Variants in NELL1 observed in about 807,000 individuals in gnomAD.
NELL1 encodes the protein protein kinase C-binding protein NELL1.
A neutral mutation model predicts 107.4 loss-of-function variants in NELL1; 76 were observed. That is an observed-to-expected ratio of 0.71 (90% CI 0.59 to 0.86). The LOEUF is 0.86. NELL1 is among the 40% of genes least tolerant of loss of function. The probability of loss-of-function intolerance (pLI) is 0.00; values close to 1 mark genes in which losing one functional copy is unlikely to be tolerated. For missense variants in NELL1, 1,024 were observed against 1,005.5 expected, an observed-to-expected ratio of 1.02 and a Z score of -0.25; for synonymous variants, 353 against 341.2, an observed-to-expected ratio of 1.03 and a Z score of -0.38.
At chr11:20,679,151 G>A (rs146713894) in intron 2 of NELL1, among the ~76,000 whole-genome samples, 3 of 152,088 alleles carry the variant, frequency 2.0e-5, no homozygotes, top group Non-Finnish European at 2.9e-5. Context: ...ATGATTTATG[G>A]TCAGTGTCCA....
intron 16 of NELL1, among the ~76,000 whole-genome samples, chr11:21,540,566 T>A (rs1856266883): frequency 6.6e-6 from 1 of 152,072 alleles, no homozygotes; most frequent in Non-Finnish European, 1.5e-5. Context: ...ACAGGAAGCA[T>A]GGCTGGGGAG....
At chr11:21,155,676 G>A (rs1397337270) in intron 13 of NELL1, among the ~76,000 whole-genome samples, 1 of 152,058 alleles carries the variant, frequency 6.6e-6, no homozygotes, top group Non-Finnish European at 1.5e-5. Context: ...TGGGGAGAGG[G>A]GACAGAAGTC....
At chr11:21,172,964 T>A (rs538869214) in intron 13 of NELL1, among the ~76,000 whole-genome samples, 1 of 151,610 alleles carries the variant, frequency 6.6e-6, no homozygotes, top group South Asian at 2.1e-4. Context: ...CTACTTTGAT[T>A]TATAGAACTT....
intron 1 of NELL1, among the ~76,000 whole-genome samples, chr11:20,677,383 C>T (rs1793004): frequency 3.2e-4 from 48 of 152,072 alleles, no homozygotes; most frequent in East Asian, 7.8e-4. Context: ...ATCTTGTATC[C>T]GCAGTCACCA....
chr11:20,979,177 T>C (rs2176316), intron 12 of NELL1, among the ~76,000 whole-genome samples: 25,696 of 152,182 alleles, frequency 0.17, 2,511 homozygotes, highest in Middle Eastern at 0.28. Flanking sequence ...TCTTTCCATT[T>C]ATTTGCTTTA....
intron 9 of NELL1, among the ~76,000 whole-genome samples, chr11:20,930,071 C>T (rs1850586776): frequency 6.6e-6 from 1 of 151,850 alleles, no homozygotes. Context: ...TCTCTGAATG[C>T]CATCTCTTGA....
At chr11:20,924,431 A>G (rs1850446326) in intron 7 of NELL1, among the ~76,000 whole-genome samples, 1 of 152,240 alleles carries the variant, frequency 6.6e-6, no homozygotes, top group African/African-American at 2.4e-5. Flanking sequence ...TTCAGAAGGG[A>G]AACAAAATCA....
intron 15 of NELL1, among the ~76,000 whole-genome samples, chr11:21,530,716 C>A (rs1206844171): frequency 6.6e-6 from 1 of 152,038 alleles, no homozygotes; most frequent in East Asian, 1.9e-4. Context: ...ATAGAAACTA[C>A]ATAATGTCTT....
At chr11:21,048,653 T>C (rs780884629) in intron 12 of NELL1, among the ~76,000 whole-genome samples, 16 of 152,156 alleles carry the variant, frequency 1.1e-4, no homozygotes, top group Non-Finnish European at 1.6e-4. Flanking sequence ...CCGGGGGCTA[T>C]GCAAACCACA....
At chr11:21,365,572 A>G (rs1240888250) in intron 14 of NELL1, among the ~76,000 whole-genome samples, 1 of 152,152 alleles carries the variant, frequency 6.6e-6, no homozygotes, top group African/African-American at 2.4e-5. Flanking sequence ...ATTACTGTTG[A>G]AAGGACAGTG....
chr11:21,432,439 C>T (rs1852990632), intron 15 of NELL1, among the ~76,000 whole-genome samples: 1 of 152,116 alleles, frequency 6.6e-6, no homozygotes, highest in Non-Finnish European at 1.5e-5. Context: ...CCACCCTAAA[C>T]CTCACAAAAT....
At chr11:21,063,931 G>A (rs1853805950) in intron 12 of NELL1, among the ~76,000 whole-genome samples, 1 of 152,198 alleles carries the variant, frequency 6.6e-6, no homozygotes. Context: ...GGTGTGATTG[G>A]CAAACTGTGG....
chr11:21,104,160 G>T (rs1854890765), intron 12 of NELL1, among the ~76,000 whole-genome samples: 1 of 152,144 alleles, frequency 6.6e-6, no homozygotes, highest in South Asian at 2.1e-4. Context: ...GGGTTTGTTG[G>T]TACCATCAGT....
chr11:21,152,304 T>C (rs768352978), intron 13 of NELL1, among the ~76,000 whole-genome samples: 1 of 152,184 alleles, frequency 6.6e-6, no homozygotes, highest in Non-Finnish European at 1.5e-5. Context: ...GCCACCTTCA[T>C]GTCTGCCAAC....
intron 3 of NELL1, among the ~76,000 whole-genome samples, chr11:20,814,203 C>A (rs1287617260): frequency 2.0e-5 from 3 of 152,062 alleles, no homozygotes; most frequent in African/African-American, 4.8e-5. Flanking sequence ...ACCGTGTTAG[C>A]CAGGATGGTC....
chr11:21,244,424 A>C lies in NELL1; in HGVS notation c.1549+14970A>C, dbSNP rs1424050660. Among the ~76,000 whole-genome samples, 3 of 152,180 alleles carry C rather than the reference A, an allele frequency of 2.0e-5. No individual in the cohort carries two copies. The East Asian group carries it at 5.8e-4, about 29-fold the overall frequency. Reference sequence around the variant, plus strand: ...GGCAATTTGTGGATAATTTTCTGACATGCTTAAGCACAGCACTTAGTGGGA... The same window carrying C: ...GGCAATTTGTGGATAATTTTCTGACCTGCTTAAGCACAGCACTTAGTGGGA... On this transcript the variant is annotated intron_variant, in intron 14 of 19. Transcript: ENST00000357134.
intron 15 of NELL1, among the ~76,000 whole-genome samples, chr11:21,510,166 G>A (rs1451862068): frequency 4.6e-5 from 7 of 152,172 alleles, no homozygotes; most frequent in Admixed American, 3.3e-4. Flanking sequence ...GTGAATGCAC[G>A]ATTGGCCAGC....
intron 13 of NELL1, among the ~76,000 whole-genome samples, chr11:21,192,919 G>A (rs1434042346): frequency 6.6e-6 from 1 of 151,818 alleles, no homozygotes; most frequent in Non-Finnish European, 1.5e-5. Flanking sequence ...GAGGAAGGCG[G>A]ACATCGTGGA....
chr11:21,527,617 T>C (rs1378643814), intron 15 of NELL1, among the ~76,000 whole-genome samples: 1 of 152,146 alleles, frequency 6.6e-6, no homozygotes, highest in Non-Finnish European at 1.5e-5. Flanking sequence ...AGTCCCACAA[T>C]AGGCCATCTG....
Sources: gnomAD v4.1 joint callset for allele counts (sites outside exome capture counted in the v4.1 genomes callset) on GRCh38, gnomAD v4.1.1 for gene constraint, MANE v1.5 for transcripts, NCBI Gene and HGNC (gene_info 2026-07-23, HGNC 2026-07-21) for gene names.